Variants in CTNNBL1 observed in about 807,000 individuals in gnomAD.
The protein encoded by CTNNBL1 is beta-catenin-like protein 1.
A neutral mutation model predicts 72.7 loss-of-function variants in CTNNBL1; 31 were observed. That is an observed-to-expected ratio of 0.43 (90% CI 0.32 to 0.58). CTNNBL1 has a LOEUF of 0.58. Among genes scored for constraint, CTNNBL1 ranks in the 20% least tolerant of loss-of-function variants. The probability of loss-of-function intolerance (pLI) is 0.08; values close to 1 mark genes in which losing one functional copy is unlikely to be tolerated. For synonymous variants in CTNNBL1, 240 were observed against 267.3 expected (o/e 0.90, Z 1.00); for missense variants, 534 against 725.1 (o/e 0.74, Z 3.03).
intron 13 of CTNNBL1, among the ~76,000 whole-genome samples, chr20:37,854,289 A>G (rs6021378): frequency 7.2e-5 from 11 of 152,256 alleles, no homozygotes; most frequent in African/African-American, 2.6e-4. Flanking sequence ...AATGGAAAAA[A>G]TCACCAGGGG....
chr20:37,798,836 C>G (rs2073800592), intron 10 of CTNNBL1, among the ~76,000 whole-genome samples: 1 of 152,178 alleles, frequency 6.6e-6, no homozygotes, highest in South Asian at 2.1e-4. Flanking sequence ...GACCGCCATT[C>G]ATTTCAAGAG....
intron 10 of CTNNBL1, among the ~76,000 whole-genome samples, chr20:37,794,820 TA>T (rs1486793170): frequency 6.6e-6 from 1 of 152,138 alleles, no homozygotes; most frequent in Non-Finnish European, 1.5e-5. Context: ...CTTTGAAATA[TA>T]TTTTCACCAG....
At chr20:37,844,060 A>G (rs1356258972) in intron 13 of CTNNBL1, among the ~76,000 whole-genome samples, 2 of 152,128 alleles carry the variant, frequency 1.3e-5, no homozygotes, top group African/African-American at 2.4e-5. Context: ...CGTGAAGGAC[A>G]CTCAGTGGTT....
At chr20:37,858,322 GCAGA>G (rs1384218933) in intron 13 of CTNNBL1, among the ~76,000 whole-genome samples, 2 of 152,362 alleles carry the variant, frequency 1.3e-5, no homozygotes, top group Non-Finnish European at 2.9e-5. Context: ...AATAAAGGCT[GCAGA>G]CAGAGATAGC....
intron 10 of CTNNBL1, among the ~76,000 whole-genome samples, chr20:37,799,952 G>C (rs997451050): frequency 2.6e-5 from 4 of 152,056 alleles, no homozygotes; most frequent in Non-Finnish European, 5.9e-5. Flanking sequence ...AGCTCCAAGG[G>C]GCACTATCAG....
At chr20:37,777,482 CA>C (rs2073586419) in intron 8 of CTNNBL1, 65 bp downstream of exon 8, 3 of 1,524,072 alleles carry the variant, frequency 2.0e-6, no homozygotes, top group Admixed American at 1.7e-5. Flanking sequence ...CAGATCATGA[CA>C]GCAAGCTCTC....
intron 11 of CTNNBL1, among the ~76,000 whole-genome samples, chr20:37,825,142 C>T (rs1033348880): frequency 2.6e-5 from 4 of 152,250 alleles, no homozygotes; most frequent in South Asian, 2.1e-4. Flanking sequence ...CACCTGAGGT[C>T]GGGAGTTTGA....
intron 10 of CTNNBL1, among the ~76,000 whole-genome samples, chr20:37,792,529 T>C (rs774606934): frequency 5.3e-5 from 8 of 152,224 alleles, no homozygotes; most frequent in Non-Finnish European, 1.0e-4. Context: ...TTGCTATTCT[T>C]TTTCCTACAA....
intron 10 of CTNNBL1, among the ~76,000 whole-genome samples, chr20:37,781,686 A>C (rs1317272253): frequency 6.6e-6 from 1 of 152,158 alleles, no homozygotes; most frequent in Non-Finnish European, 1.5e-5. Flanking sequence ...TTTCCATACT[A>C]TAGTCACCCT....
intron 6 of CTNNBL1, among the ~76,000 whole-genome samples, chr20:37,767,134 G>C (rs2073476190): frequency 6.6e-6 from 1 of 152,054 alleles, no homozygotes; most frequent in Non-Finnish European, 1.5e-5. Flanking sequence ...AATGTGTTCT[G>C]GGTATTGTGT....
rs2072328131 is a variant in CTNNBL1 at position 37,844,178 on chromosome 20, C to G, written c.1392+1759C>G. On this transcript the variant is annotated intron_variant, in intron 13 of 15. Transcript: ENST00000361383. ...GGAAAAAGCCATGAGACAGTTAGAA[C>G]TCCAGCCCTGACAGAATCCCCGATG... Among the ~76,000 whole-genome samples the G allele has an allele frequency of 2.0e-5, 3 of 152,196 alleles. No homozygotes were observed. The South Asian group carries it at 6.2e-4, about 31-fold the overall frequency.
intron 11 of CTNNBL1, among the ~76,000 whole-genome samples, chr20:37,828,174 C>G (rs2072176814): frequency 6.6e-6 from 1 of 152,190 alleles, no homozygotes; most frequent in Admixed American, 6.5e-5. Flanking sequence ...ACTGAAGGTA[C>G]AGATACGACT....
chr20:37,731,353 A>G (rs1217246273), intron 1 of CTNNBL1, among the ~76,000 whole-genome samples: 3 of 151,906 alleles, frequency 2.0e-5, no homozygotes, highest in Non-Finnish European at 2.9e-5. Context: ...CTCCTGCCTC[A>G]GCCTCCCAAG....
chr20:37,806,180 T>C (rs954232998), intron 11 of CTNNBL1, among the ~76,000 whole-genome samples: 1 of 152,138 alleles, frequency 6.6e-6, no homozygotes, highest in African/African-American at 2.4e-5. Flanking sequence ...CCTTAAGAGC[T>C]TTGCTGTACA....
intron 4 of CTNNBL1, 123 bp downstream of exon 4, chr20:37,746,730 T>A: frequency 8.0e-7 from 1 of 1,245,160 alleles, no homozygotes; most frequent in Non-Finnish European, 1.2e-6. Flanking sequence ...CCATTCTAAT[T>A]ATCTTCTGTC....
At chr20:37,772,751 C>T (rs1311091104) in intron 7 of CTNNBL1, among the ~76,000 whole-genome samples, 2 of 152,132 alleles carry the variant, frequency 1.3e-5, no homozygotes, top group Admixed American at 6.6e-5. Flanking sequence ...TAAAACCTTA[C>T]GATTTGACTG....
rs766754385 is a variant in CTNNBL1 at position 37,779,229 on chromosome 20, A to G, written c.925A>G (p.Met309Val). 1.2e-6 allele frequency: 2 copies of G among 1,613,674 alleles called. No individual in the cohort carries two copies. The highest frequency in any genetic ancestry group is 1.1e-5 in the South Asian group (1 of 91,062). The change falls in exon 10 of 16, where the codon ATG becomes GTG. Residue 309 changes from methionine to valine, a missense_variant. Coordinates refer to ENST00000361383, the MANE Select transcript of CTNNBL1 (RefSeq NM_030877.5). ...HNPSTAEEQE[M>V]MENLFDSLCS... is the part of the protein sequence containing the mutation. ...TCCCAGCACGGCTGAGGAGCAGGAG[A>G]TGATGGAGAATCTGTTTGATTCCCT...
chr20:37,851,861 A>G (rs73094621), intron 13 of CTNNBL1, among the ~76,000 whole-genome samples: 1 of 152,258 alleles, frequency 6.6e-6, no homozygotes, highest in African/African-American at 2.4e-5. Context: ...TGCCAGTGTG[A>G]AAGAACTAAT....
At chr20:37,780,856 T>G (rs2073619401) in intron 10 of CTNNBL1, among the ~76,000 whole-genome samples, 1 of 152,160 alleles carries the variant, frequency 6.6e-6, no homozygotes, top group Non-Finnish European at 1.5e-5. Flanking sequence ...TCTGACCTCC[T>G]ATATCCCGTT....
Sources: gnomAD v4.1 joint callset for allele counts (sites outside exome capture counted in the v4.1 genomes callset) on GRCh38, gnomAD v4.1.1 for gene constraint, MANE v1.5 for transcripts, NCBI Gene and HGNC (gene_info 2026-07-23, HGNC 2026-07-21) for gene names.